Variants in ANTXR1 observed in about 807,000 individuals in gnomAD.
ANTXR1 encodes anthrax toxin receptor 1.
In ANTXR1, 19 loss-of-function variants were observed where a neutral mutation model predicts 78.1. The observed-to-expected ratio is 0.24, with a 90% CI of 0.17 to 0.36. The LOEUF (loss-of-function observed/expected upper bound fraction) is 0.36. Among genes scored for constraint, ANTXR1 ranks in the 10% least tolerant of loss-of-function variants. The pLI is 1.00. For missense variants in ANTXR1, 518 were observed against 718.6 expected, an observed-to-expected ratio of 0.72 and a Z score of 3.19; for synonymous variants, 273 against 260.5, an observed-to-expected ratio of 1.05 and a Z score of -0.46.
At chr2:69,236,389 A>T (rs1675766010) in intron 17 of ANTXR1, among the ~76,000 whole-genome samples, 1 of 152,194 alleles carries the variant, frequency 6.6e-6, no homozygotes, top group South Asian at 2.1e-4. Context: ...CACACATTTT[A>T]AAAACTTTCA....
chr2:69,061,249 G>A (rs921160095), intron 3 of ANTXR1, among the ~76,000 whole-genome samples: 1 of 152,150 alleles, frequency 6.6e-6, no homozygotes, highest in African/African-American at 2.4e-5. Flanking sequence ...CTCCACCAGA[G>A]AGGAGAAGCA....
intron 13 of ANTXR1, among the ~76,000 whole-genome samples, chr2:69,169,307 G>A (rs1256173727): frequency 6.6e-6 from 1 of 152,284 alleles, no homozygotes; most frequent in Non-Finnish European, 1.5e-5. Flanking sequence ...AAAGAACTGA[G>A]TAGGGGACCC....
chr2:69,237,860 A>ATG (rs926389362), intron 17 of ANTXR1, among the ~76,000 whole-genome samples: 6 of 152,168 alleles, frequency 3.9e-5, no homozygotes, highest in African/African-American at 1.4e-4. Flanking sequence ...ATTTATATAT[A>ATG]TGTGTGTGTG....
At chr2:69,188,881 T>G (rs1674487328) in intron 16 of ANTXR1, among the ~76,000 whole-genome samples, 1 of 152,230 alleles carries the variant, frequency 6.6e-6, no homozygotes. Flanking sequence ...CCCAAAGGGT[T>G]GTTATTAACG....
intron 12 of ANTXR1, among the ~76,000 whole-genome samples, chr2:69,143,778 G>A (rs1673138887): frequency 6.6e-6 from 1 of 151,972 alleles, no homozygotes; most frequent in Admixed American, 6.5e-5. Flanking sequence ...TGACCTCCTA[G>A]GGCATGCTGA....
At chr2:69,178,979 G>C (rs535016197) in intron 14 of ANTXR1, among the ~76,000 whole-genome samples, 6 of 152,170 alleles carry the variant, frequency 3.9e-5, no homozygotes, top group Non-Finnish European at 8.8e-5. Context: ...AGCTTTAGGG[G>C]ATAGAATTTC....
intron 6 of ANTXR1, among the ~76,000 whole-genome samples, chr2:69,073,328 T>A (rs766350438): frequency 6.6e-5 from 10 of 152,240 alleles, no homozygotes; most frequent in South Asian, 2.1e-4. Flanking sequence ...TACATATTAC[T>A]CTGCTTTGAA....
chr2:69,067,445 CT>C (rs372043237), intron 3 of ANTXR1, among the ~76,000 whole-genome samples: 7,759 of 123,224 alleles, frequency 0.063, 444 homozygotes, highest in African/African-American at 0.18. Context: ...CCCAAGAAGC[CT>C]TTTTTTTTTT....
chr2:69,220,518 G>A (rs977258547), intron 17 of ANTXR1, among the ~76,000 whole-genome samples: 7 of 152,166 alleles, frequency 4.6e-5, no homozygotes, highest in African/African-American at 1.7e-4. Context: ...AAATCTCTGG[G>A]TGTGTGACAT....
intron 8 of ANTXR1, among the ~76,000 whole-genome samples, chr2:69,079,797 A>G (rs1159136191): frequency 6.6e-6 from 1 of 152,216 alleles, no homozygotes; most frequent in Non-Finnish European, 1.5e-5. Context: ...CTGAAAAGGG[A>G]CAACTCTTAT....
In ANTXR1 at chr2:69,246,776, T is replaced by C. The variant is rs1226582276; in HGVS notation, c.*1291T>C. On this transcript the variant is annotated 3_prime_UTR_variant, in exon 18 of 18. Transcript: ENST00000303714. ...ATCAATAAGCCCTATAATCACTTGC[T>C]AAACACTGGGCTTCATCACCCAGGG... 1 of 152,202 alleles carries C rather than the reference T, an allele frequency of 6.6e-6. No individual in the cohort carries two copies. The highest frequency in any genetic ancestry group is 1.9e-4 in the East Asian group (1 of 5,196). 9.4% of individuals were successfully genotyped at this position (152,202 alleles called of 1,614,324 possible).
At chr2:69,141,491 TGC>T (rs1673067240) in intron 12 of ANTXR1, among the ~76,000 whole-genome samples, 1 of 151,930 alleles carries the variant, frequency 6.6e-6, no homozygotes. Context: ...GAGTCCAGTG[TGC>T]GCAAGTCAAC....
chr2:69,032,544 G>A (rs1178988108), intron 1 of ANTXR1, among the ~76,000 whole-genome samples: 1 of 152,160 alleles, frequency 6.6e-6, no homozygotes, highest in East Asian at 1.9e-4. Flanking sequence ...CTTTCTGGGG[G>A]ATGCAAAGTG....
rs188348345 is a variant in ANTXR1 at position 69,067,419 on chromosome 2, C to T, written c.297-3228C>T. On this transcript the variant is annotated intron_variant, in intron 3 of 17. Transcript: ENST00000303714. The stretch of plus-strand genomic sequence containing the variant: ...AGGGAAAAAATACAGTGAAGCCAAG[C>T]AAATATTTCCACACCCCCAAGAAGC... Among the ~76,000 whole-genome samples, 1,263 of 143,658 alleles carry T rather than the reference C, an allele frequency of 8.8e-3. 16 individuals are homozygous for T. Among genetic ancestry groups the T allele is most frequent in the South Asian group, 0.027 (121 of 4,546 alleles). The allele number at this position is 143,658 out of a possible 152,430, so 94.2% of individuals were successfully genotyped here.
chr2:69,118,969 C>T (rs917965099), intron 10 of ANTXR1, among the ~76,000 whole-genome samples: 1 of 152,190 alleles, frequency 6.6e-6, no homozygotes, highest in Non-Finnish European at 1.5e-5. Context: ...GAGGCTGATA[C>T]ACTCGGATGG....
At chr2:69,185,981 G>A (rs1465039767) in intron 16 of ANTXR1, among the ~76,000 whole-genome samples, 1 of 152,186 alleles carries the variant, frequency 6.6e-6, no homozygotes, top group Non-Finnish European at 1.5e-5. Context: ...AGCCGTTGGT[G>A]TGATTACTCA....
At chr2:69,206,807 G>A (rs1395776993) in intron 17 of ANTXR1, among the ~76,000 whole-genome samples, 1 of 152,194 alleles carries the variant, frequency 6.6e-6, no homozygotes, top group Admixed American at 6.5e-5. Flanking sequence ...CTGCACTAGT[G>A]TGTTCTGCAG....
At chr2:69,057,642 T>C (rs563079196) in intron 3 of ANTXR1, among the ~76,000 whole-genome samples, 1 of 152,298 alleles carries the variant, frequency 6.6e-6, no homozygotes, top group Admixed American at 6.5e-5. Flanking sequence ...TACTTGGTCT[T>C]CCCTATTCCC....
At chr2:69,146,254 G>T (rs939393983) in intron 12 of ANTXR1, 3 of 985,428 alleles carry the variant, frequency 3.0e-6, no homozygotes, top group Non-Finnish European at 3.6e-6. Context: ...CCCATGGGCT[G>T]CCTGCTTGAC....
Sources: allele counts gnomAD v4.1 joint callset (sites outside exome capture counted in the v4.1 genomes callset), GRCh38; gene constraint gnomAD v4.1.1; transcripts MANE v1.5; gene names NCBI Gene and HGNC (gene_info 2026-07-23, HGNC 2026-07-21).